The following PRLR variants were observed in gnomAD, a reference collection of about 807,000 sequenced individuals.
PRLR encodes hPRL receptor.
Under a neutral mutation model 40.2 loss-of-function variants are expected in PRLR, and 13 were observed. That is an observed-to-expected ratio of 0.32 (90% CI 0.21 to 0.51). The LOEUF is 0.51. Ranked by LOEUF, PRLR falls within the 20% of genes least tolerant of loss-of-function variation. PRLR has a pLI of 0.97. For missense variants in PRLR, 656 were observed against 747.3 expected (o/e 0.88, Z 1.42); for synonymous variants, 269 against 278.7 (o/e 0.97, Z 0.35).
intron 1 of PRLR, among the ~76,000 whole-genome samples, chr5:35,199,228 G>C (rs1775814774): frequency 6.6e-6 from 1 of 152,196 alleles, no homozygotes; most frequent in African/African-American, 2.4e-5. Context: ...GATCAGCTGA[G>C]TGAGAGACAG....
At chr5:35,074,313 T>A (rs1026299801) in intron 5 of PRLR, among the ~76,000 whole-genome samples, 2 of 151,258 alleles carry the variant, frequency 1.3e-5, no homozygotes, top group Non-Finnish European at 2.9e-5. Context: ...ATACAAAAAA[T>A]TTGCCAGGCG....
intron 1 of PRLR, among the ~76,000 whole-genome samples, chr5:35,134,171 C>T (rs1773777130): frequency 6.6e-6 from 1 of 151,994 alleles, no homozygotes. Context: ...TCCCCAAAAA[C>T]CTATGAAAAT....
intron 1 of PRLR, among the ~76,000 whole-genome samples, chr5:35,186,076 C>A (rs1398985007): frequency 1.3e-5 from 2 of 152,084 alleles, no homozygotes; most frequent in Admixed American, 6.6e-5. Flanking sequence ...ACCACATAGA[C>A]CCTCGCCTAT....
chr5:35,081,367 G>A, intron 5 of PRLR: 4 of 220,546 alleles, frequency 1.8e-5, no homozygotes, highest in Non-Finnish European at 2.7e-5. Flanking sequence ...GGTCATCTCT[G>A]AGCTGAATGG....
At chr5:35,124,366 T>C (rs1773388247) in intron 1 of PRLR, among the ~76,000 whole-genome samples, 1 of 152,048 alleles carries the variant, frequency 6.6e-6, no homozygotes, top group African/African-American at 2.4e-5. Context: ...GAGCTCCTCC[T>C]CATGGTGCAT....
chr5:35,066,998 C>T (rs1207807087), intron 9 of PRLR, among the ~76,000 whole-genome samples: 2 of 152,036 alleles, frequency 1.3e-5, no homozygotes, highest in Non-Finnish European at 2.9e-5. Flanking sequence ...CTCCTGACCT[C>T]GTGATCTGCC....
At chr5:35,219,277 C>A (rs1227722086) in intron 1 of PRLR, among the ~76,000 whole-genome samples, 3 of 152,146 alleles carry the variant, frequency 2.0e-5, no homozygotes, top group Admixed American at 2.0e-4. Context: ...TACTAGGAAC[C>A]CAGAGCTGTA....
chr5:35,152,076 G>GT (rs1389844864), intron 1 of PRLR, among the ~76,000 whole-genome samples: 2 of 152,130 alleles, frequency 1.3e-5, no homozygotes, highest in African/African-American at 4.8e-5. Flanking sequence ...ACTATTTTCA[G>GT]TTTTTTGGTG....
chr5:35,079,416 GACAA>G (rs1770348791), intron 5 of PRLR, among the ~76,000 whole-genome samples: 1 of 152,098 alleles, frequency 6.6e-6, no homozygotes, highest in South Asian at 2.1e-4. Flanking sequence ...ACCAATAACA[GACAA>G]ACAGAGAGCC....
chr5:35,169,658 T>G (rs766815764), intron 1 of PRLR, among the ~76,000 whole-genome samples: 1 of 152,214 alleles, frequency 6.6e-6, no homozygotes, highest in Non-Finnish European at 1.5e-5. Context: ...TATGAGGAAA[T>G]ATCATGGAAG....
At chr5:35,049,577 G>A (rs186093715) in intron 8 of PRLR, among the ~76,000 whole-genome samples, 1 of 152,166 alleles carries the variant, frequency 6.6e-6, no homozygotes, top group Admixed American at 6.6e-5. Context: ...GAAAGAAAAA[G>A]ATCACAACAA....
chr5:35,130,655 T>A (rs530940708), intron 1 of PRLR, among the ~76,000 whole-genome samples: 23 of 152,332 alleles, frequency 1.5e-4, no homozygotes, highest in African/African-American at 5.5e-4. Flanking sequence ...AACCTTCTCA[T>A]AATGTCATTT....
intron 5 of PRLR, chr5:35,081,836 ACCAGGCTGTCT>A (rs1770543896): frequency 6.4e-6 from 1 of 156,464 alleles, no homozygotes; most frequent in African/African-American, 2.4e-5. Flanking sequence ...TACACTAAGC[ACCAGGCTGTCT>A]CCTCTGACTT....
Position 35,066,111 on chromosome 5 carries a change from A to G in PRLR, c.856-9T>C. The G allele has an allele frequency of 6.2e-7, 1 of 1,609,672 alleles. No homozygotes were observed. ...TCTTCAGACTTGCCCTTCTATTAAAACACAGACACAAGAAGAGATGGCTGT... is the reference window on the plus strand; with the variant it reads ...TCTTCAGACTTGCCCTTCTATTAAAGCACAGACACAAGAAGAGATGGCTGT... On this transcript the variant is annotated splice_polypyrimidine_tract_variant and intron_variant, in intron 9 of 9. Transcript: ENST00000618457.
chr5:35,175,215 C>T lies in PRLR; in HGVS notation c.-106+55053G>A, dbSNP rs147373534. Among the ~76,000 whole-genome samples, 363 of 152,150 alleles carry T rather than the reference C, an allele frequency of 2.4e-3. 1 individual carries two copies. Among genetic ancestry groups the T allele is most frequent in the African/African-American group, 8.2e-3 (339 of 41,504 alleles). On this transcript the variant is annotated intron_variant, in intron 1 of 9. Transcript: ENST00000618457. ...GTGGGAAATAATTAAATAATGGGGG[C>T]GGGTATTTCCCATGCTGTTCTCATA...
intron 1 of PRLR, among the ~76,000 whole-genome samples, chr5:35,162,350 C>G (rs1032902232): frequency 1.3e-5 from 2 of 152,166 alleles, no homozygotes; most frequent in African/African-American, 4.8e-5. Context: ...GTTTGAGTAG[C>G]TCAAATTCAT....
chr5:35,103,923 C>T (rs529890297), intron 2 of PRLR, among the ~76,000 whole-genome samples: 2 of 152,224 alleles, frequency 1.3e-5, no homozygotes, highest in South Asian at 2.1e-4. Context: ...TCTTTGATTG[C>T]CTAAAAGATC....
chr5:35,227,845 T>G (rs983488047), intron 1 of PRLR, among the ~76,000 whole-genome samples: 2 of 152,306 alleles, frequency 1.3e-5, no homozygotes, highest in Non-Finnish European at 2.9e-5. Context: ...CTGGCTGTTT[T>G]TAGCTGCAGG....
intron 1 of PRLR, among the ~76,000 whole-genome samples, chr5:35,148,852 A>G (rs914710695): frequency 2.0e-5 from 3 of 152,270 alleles, no homozygotes; most frequent in Admixed American, 6.5e-5. Flanking sequence ...ACTTGTACTT[A>G]AGTATAAAAA....
Sources: allele counts gnomAD v4.1 joint callset (sites outside exome capture counted in the v4.1 genomes callset), GRCh38; gene constraint gnomAD v4.1.1; transcripts MANE v1.5; gene names NCBI Gene and HGNC (gene_info 2026-07-23, HGNC 2026-07-21).